Variants in RTL4 observed in about 807,000 individuals in gnomAD.
RTL4 encodes retrotransposon Gag like 4, also known as retrotransposon Gag-like protein 4.
Under a neutral mutation model 5.3 loss-of-function variants are expected in RTL4, and 4 were observed. That is an observed-to-expected ratio of 0.75 (90% CI 0.37 to 1.72). The LOEUF (loss-of-function observed/expected upper bound fraction) is 1.72. Among genes scored for constraint, RTL4 ranks in the 40% most tolerant of loss-of-function variants. The pLI, the probability that RTL4 is intolerant of heterozygous loss-of-function variation, is 0.04. For missense variants in RTL4, 260 were observed against 227.1 expected (o/e 1.14, Z -0.93); for synonymous variants, 98 against 87.3 (o/e 1.12, Z -0.68).
rs1315819674 is a variant in RTL4, at chrX:112,455,743, T to C, written c.*82T>C. 9 of 912,669 alleles carry C rather than the reference T, an allele frequency of 9.9e-6. No individual in the cohort carries two copies. In the African/African-American group the frequency reaches 1.6e-4, roughly 16 times the overall value. The allele number at this position is 912,669 out of a possible 1,213,427, so 75.2% of individuals were successfully genotyped here. On this transcript the variant is annotated 3_prime_UTR_variant, in exon 1 of 1. Coordinates refer to ENST00000340433, the Ensembl canonical transcript of RTL4. ...CCTGCATTAACTTTTAAAATACAGA[T>C]GGGGAACTGTGACACCACTTTATAG...
chrX:112,336,692 G>A, the RTL4 span, among the ~76,000 whole-genome samples: 3 of 112,155 alleles, frequency 2.7e-5, no homozygotes, highest in African/African-American at 6.5e-5. Context: ...ATAGCCACAC[G>A]TGGCTAGTGG....
At chrX:112,359,956 G>A in the RTL4 span, among the ~76,000 whole-genome samples, 1 of 111,397 alleles carries the variant, frequency 9.0e-6, no homozygotes, top group Non-Finnish European at 1.9e-5. Context: ...AATATGGAAA[G>A]GCCCAGAGGA....
chrX:112,296,861 C>T, the RTL4 span, among the ~76,000 whole-genome samples: 1 of 108,810 alleles, frequency 9.2e-6, no homozygotes, highest in Non-Finnish European at 1.9e-5. Flanking sequence ...TTGTGATCCA[C>T]CCCCCTCGGC....
At chrX:112,430,081 C>T in the RTL4 span, among the ~76,000 whole-genome samples, 1 of 111,240 alleles carries the variant, frequency 9.0e-6, no homozygotes, top group Non-Finnish European at 1.9e-5. Context: ...GGTTTGGTGT[C>T]TGCCATTAAT....
the RTL4 span, among the ~76,000 whole-genome samples, chrX:112,326,897 C>A: frequency 9.0e-6 from 1 of 111,674 alleles, no homozygotes; most frequent in Non-Finnish European, 1.9e-5. Context: ...CAGGGGCACA[C>A]TGACACCTCA....
chrX:112,218,328 G>A, the RTL4 span, among the ~76,000 whole-genome samples: 1 of 111,772 alleles, frequency 8.9e-6, no homozygotes, highest in Non-Finnish European at 1.9e-5. Flanking sequence ...CCTCCATCAG[G>A]TCTTCTACCA....
the RTL4 span, among the ~76,000 whole-genome samples, chrX:112,270,073 C>A: frequency 1.2e-4 from 14 of 112,166 alleles, no homozygotes; most frequent in Non-Finnish European, 2.6e-4. Context: ...CACTCTTTTC[C>A]TCTTCTGCTC....
At chrX:112,233,972 C>T in the RTL4 span, among the ~76,000 whole-genome samples, 12 of 110,659 alleles carry the variant, frequency 1.1e-4, no homozygotes, top group Non-Finnish European at 2.1e-4. Context: ...GCAGGCAGAT[C>T]GCAAGGTCAG....
the RTL4 span, among the ~76,000 whole-genome samples, chrX:112,124,935 G>A: frequency 9.0e-6 from 1 of 111,098 alleles, no homozygotes; most frequent in Non-Finnish European, 1.9e-5. Context: ...CAGTCTTTCT[G>A]TCTTACCCAG....
the RTL4 span, among the ~76,000 whole-genome samples, chrX:112,446,889 G>A: frequency 9.0e-6 from 1 of 111,635 alleles, no homozygotes; most frequent in Non-Finnish European, 1.9e-5. Context: ...ATAGTGAATG[G>A]GGAACAGTAA....
At chrX:112,339,738 G>A in the RTL4 span, among the ~76,000 whole-genome samples, 12 of 112,442 alleles carry the variant, frequency 1.1e-4, no homozygotes, top group African/African-American at 3.9e-4. Context: ...GATGAAATTG[G>A]CATTTTAGAA....
the RTL4 span, among the ~76,000 whole-genome samples, chrX:112,131,559 G>A: frequency 4.5e-5 from 5 of 111,809 alleles, no homozygotes; most frequent in African/African-American, 9.8e-5. Flanking sequence ...CTTCAATAAT[G>A]AGACCTGGTA....
At chrX:112,249,840 C>T in the RTL4 span, among the ~76,000 whole-genome samples, 1 of 107,689 alleles carries the variant, frequency 9.3e-6, no homozygotes, top group Non-Finnish European at 1.9e-5. Flanking sequence ...CATAATCAGT[C>T]CAATTTTTCT....
At chrX:112,311,134 G>T in the RTL4 span, among the ~76,000 whole-genome samples, 2 of 108,976 alleles carry the variant, frequency 1.8e-5, no homozygotes, top group Admixed American at 1.0e-4. Context: ...AAGTTGTTAG[G>T]AGTAGTTTAT....
the RTL4 span, among the ~76,000 whole-genome samples, chrX:112,319,282 G>A: frequency 9.0e-6 from 1 of 111,614 alleles, no homozygotes; most frequent in Admixed American, 9.5e-5. Flanking sequence ...AGTACCCACT[G>A]CTTAGTCAGA....
the RTL4 span, among the ~76,000 whole-genome samples, chrX:112,191,426 C>T: frequency 3.5e-3 from 390 of 111,490 alleles, 7 homozygotes; most frequent in African/African-American, 0.012. Context: ...TCTACCACTG[C>T]CCACAACCAC....
the RTL4 span, among the ~76,000 whole-genome samples, chrX:112,160,380 G>A: frequency 8.9e-6 from 1 of 111,907 alleles, no homozygotes; most frequent in African/African-American, 3.2e-5. Flanking sequence ...AGTGTACCTT[G>A]GGAAAGTCAC....
the RTL4 span, among the ~76,000 whole-genome samples, chrX:112,303,772 T>A: frequency 9.2e-4 from 98 of 106,991 alleles, no homozygotes; most frequent in African/African-American, 2.9e-3. Context: ...ATAAAAAAAA[T>A]TAAAAAAAAA....
chrX:112,104,499 T>C, the RTL4 span, among the ~76,000 whole-genome samples: 1 of 111,806 alleles, frequency 8.9e-6, no homozygotes, highest in Non-Finnish European at 1.9e-5. Flanking sequence ...GCTATACTAA[T>C]TTATCTTCCT....
Sources: allele counts gnomAD v4.1 joint callset (sites outside exome capture counted in the v4.1 genomes callset), GRCh38; gene constraint gnomAD v4.1.1; transcripts MANE v1.5; gene names NCBI Gene and HGNC (gene_info 2026-07-23, HGNC 2026-07-21).